The following FAM161A variants were observed in gnomAD, a reference collection of about 807,000 sequenced individuals.
The protein encoded by FAM161A is protein FAM161A.
In FAM161A, 57 loss-of-function variants were observed where a neutral mutation model predicts 70.9. The ratio of observed to expected loss-of-function variants is 0.80; its 90% CI spans 0.65 to 1.00. FAM161A has a LOEUF of 1.00. FAM161A is among the 50% of genes least tolerant of loss of function. The pLI is 0.00. For missense variants in FAM161A, 880 were observed against 836.0 expected (o/e 1.05, Z -0.65); for synonymous variants, 299 against 295.7 (o/e 1.01, Z -0.12).
chr2:61,801,568 G>GT, the FAM161A span, among the ~76,000 whole-genome samples: 1,568 of 127,744 alleles, frequency 0.012, 20 homozygotes, highest in African/African-American at 0.03. Flanking sequence ...GGTTTTTTTG[G>GT]TTTTTTTTTT....
At chr2:61,812,023 T>G in the FAM161A span, among the ~76,000 whole-genome samples, 1 of 152,100 alleles carries the variant, frequency 6.6e-6, no homozygotes, top group Admixed American at 6.6e-5. Flanking sequence ...CAGGGTACGT[T>G]CTGTTCCTCT....
At chr2:61,813,483 G>T in the FAM161A span, among the ~76,000 whole-genome samples, 1 of 150,260 alleles carries the variant, frequency 6.7e-6, no homozygotes, top group Non-Finnish European at 1.5e-5. Flanking sequence ...AGGAGGCAGA[G>T]GTTGCAGTGA....
In FAM161A at chr2:61,839,816, A is replaced by T. The variant is rs772090423; in HGVS notation, c.1188T>A (p.Ser396=). The T allele has an allele frequency of 1.2e-5, 19 of 1,614,040 alleles. No homozygotes were observed. Among genetic ancestry groups the T allele is most frequent in the Non-Finnish European group, 1.6e-5 (19 of 1,180,036 alleles). ...LRAQEHLQNS[S]PLPCRSACGC... The stretch of plus-strand genomic sequence containing the variant: ...CACAAGCTGACCTACAAGGCAGAGG[A>T]GATGAGTTCTGTAAATGCTCCTGGG... Residue 396 remains serine, a synonymous_variant, in exon 3 of 7, where the codon TCT becomes TCA. Transcript: ENST00000404929.
chr2:61,830,129 T>C (rs1014028521), intron 5 of FAM161A, among the ~76,000 whole-genome samples: 1 of 152,216 alleles, frequency 6.6e-6, no homozygotes, highest in African/African-American at 2.4e-5. Flanking sequence ...TAAAGGCTTA[T>C]TAATTGTCTA....
At chr2:61,849,108 A>T (rs1309916998) in intron 1 of FAM161A, among the ~76,000 whole-genome samples, 2 of 74,894 alleles carry the variant, frequency 2.7e-5, no homozygotes, top group African/African-American at 1.1e-4. Context: ...ATATATATTT[A>T]TATATATATT....
At chr2:61,827,609 C>CAA (rs71644452) in intron 5 of FAM161A, among the ~76,000 whole-genome samples, 3,101 of 107,588 alleles carry the variant, frequency 0.029, 104 homozygotes, top group East Asian at 0.11. Context: ...GACTCTGTCT[C>CAA]AAAAAAAAAA....
chr2:61,829,252 C>T (rs966892122), intron 5 of FAM161A, among the ~76,000 whole-genome samples: 1 of 152,060 alleles, frequency 6.6e-6, no homozygotes, highest in African/African-American at 2.4e-5. Flanking sequence ...TGGTAGTGGT[C>T]GTCAAGAGTT....
At chr2:61,817,563 GTC>G in the FAM161A span, among the ~76,000 whole-genome samples, 5 of 152,208 alleles carry the variant, frequency 3.3e-5, no homozygotes, top group Non-Finnish European at 5.9e-5. Flanking sequence ...GCCTGGTGGA[GTC>G]TCTTTTTCGC....
At chr2:61,812,950 C>A in the FAM161A span, among the ~76,000 whole-genome samples, 1 of 151,792 alleles carries the variant, frequency 6.6e-6, no homozygotes, top group African/African-American at 2.4e-5. Context: ...GCGCCACCAG[C>A]TACTCAGGAG....
intron 2 of FAM161A, 67 bp from the exon 3 acceptor site, chr2:61,840,648 A>G (rs1672988116): frequency 7.8e-7 from 1 of 1,285,046 alleles, no homozygotes; most frequent in East Asian, 2.3e-5. Flanking sequence ...ATTAAGAGTT[A>G]CATATTTTCT....
the FAM161A span, among the ~76,000 whole-genome samples, chr2:61,816,702 C>T: frequency 6.6e-6 from 1 of 152,124 alleles, no homozygotes; most frequent in Non-Finnish European, 1.5e-5. Context: ...AACTCCTGGA[C>T]ATGATCTTCC....
At chr2:61,813,767 G>C in the FAM161A span, among the ~76,000 whole-genome samples, 3 of 151,414 alleles carry the variant, frequency 2.0e-5, no homozygotes, top group Non-Finnish European at 4.4e-5. Context: ...CGCTCTGATA[G>C]CTATATTGTT....
intron 2 of FAM161A, among the ~76,000 whole-genome samples, chr2:61,840,905 C>T (rs1183108735): frequency 1.3e-5 from 2 of 152,170 alleles, no homozygotes; most frequent in Non-Finnish European, 2.9e-5. Context: ...CTGCCTCCGC[C>T]TCCCAAAGTG....
rs774003829 is a variant in FAM161A, at chr2:61,826,460, G to A, written c.2146C>T (p.His716Tyr). ...AGAGAGGAGACCTTGATGATTCAGTGTGATTCTTCAACAGATTTCTCTTCT... is the reference window on the plus strand; with the variant it reads ...AGAGAGGAGACCTTGATGATTCAGTATGATTCTTCAACAGATTTCTCTTCT... ...SEEEKSVEES[H>Y] is the part of the protein sequence containing the mutation. Residue 716 changes from histidine (H) to tyrosine (Y), a missense_variant, in exon 7 of 7, where the codon CAC (histidine) becomes TAC (tyrosine). His to Tyr is a moderately conservative substitution (Grantham distance 83). Transcript: ENST00000404929. 8.7e-6 allele frequency: 14 copies of A among 1,611,184 alleles called. No individual in the cohort carries two copies. The highest frequency in any genetic ancestry group is 2.2e-5 in the East Asian group (1 of 44,858).
downstream of FAM161A, chr2:61,820,479 T>C: frequency 1.3e-6 from 1 of 755,190 alleles, no homozygotes; most frequent in South Asian, 1.3e-5. Context: ...CAAGAGAAGG[T>C]TCTCAAAGAC....
chr2:61,851,977 A>T (rs941800188), intron 1 of FAM161A, among the ~76,000 whole-genome samples: 5 of 152,160 alleles, frequency 3.3e-5, no homozygotes, highest in African/African-American at 1.2e-4. Context: ...TAACCTTTAA[A>T]AATCAAGATG....
chr2:61,803,018 A>G, the FAM161A span: 1 of 200,640 alleles, frequency 5.0e-6, no homozygotes, highest in Non-Finnish European at 9.9e-6. Context: ...TATAGAAACT[A>G]AAGATAACTC....
chr2:61,803,439 G>C, the FAM161A span: 1 of 660,086 alleles, frequency 1.5e-6, no homozygotes. Context: ...GTACTGCAAA[G>C]GCCAGTGTTG....
chr2:61,840,672 A>T, intron 2 of FAM161A, 91 bp from the exon 3 acceptor site: 1 of 995,734 alleles, frequency 1.0e-6, no homozygotes, highest in Non-Finnish European at 1.5e-6. Context: ...TTTTTCTGAG[A>T]CAGAGTCTCA....
Sources: gnomAD v4.1 joint callset for allele counts (sites outside exome capture counted in the v4.1 genomes callset) on GRCh38, gnomAD v4.1.1 for gene constraint, MANE v1.5 for transcripts, NCBI Gene and HGNC (gene_info 2026-07-23, HGNC 2026-07-21) for gene names.